The following PRRC2C variants were observed in gnomAD, a reference collection of about 807,000 sequenced individuals.
PRRC2C encodes the protein proline rich coiled-coil 2C, also known as protein PRRC2C.
A neutral mutation model predicts 317.2 loss-of-function variants in PRRC2C; 72 were observed. The ratio of observed to expected loss-of-function variants is 0.23; its 90% CI spans 0.19 to 0.28. PRRC2C has a LOEUF of 0.28. Ranked by LOEUF, PRRC2C falls within the 10% of genes least tolerant of loss-of-function variation. The probability of loss-of-function intolerance (pLI) is 1.00; values close to 1 mark genes in which losing one functional copy is unlikely to be tolerated. For synonymous variants in PRRC2C, 1,296 were observed against 1,205.9 expected, an observed-to-expected ratio of 1.07 and a Z score of -1.55; for missense variants, 3,074 against 3,459.7, an observed-to-expected ratio of 0.89 and a Z score of 2.80.
intron 16 of PRRC2C, among the ~76,000 whole-genome samples, chr1:171,543,373 A>G (rs1042140104): frequency 6.6e-6 from 1 of 151,154 alleles, no homozygotes; most frequent in East Asian, 2.0e-4. Flanking sequence ...TGATTTATTT[A>G]TTTAGTGTTA....
chr1:171,505,310 G>A (rs1281704205), intron 1 of PRRC2C, among the ~76,000 whole-genome samples: 2 of 152,214 alleles, frequency 1.3e-5, no homozygotes, highest in African/African-American at 4.8e-5. Context: ...TTACAGGCAT[G>A]AGCCACCGTG....
At chr1:171,552,718 A>C (rs1260752893) in intron 18 of PRRC2C, among the ~76,000 whole-genome samples, 1 of 152,142 alleles carries the variant, frequency 6.6e-6, no homozygotes, top group African/African-American at 2.4e-5. Context: ...CTATTGAGAT[A>C]ATCATGTGGT....
At chr1:171,585,026 C>T (rs1307088232) in intron 30 of PRRC2C, among the ~76,000 whole-genome samples, 1 of 152,190 alleles carries the variant, frequency 6.6e-6, no homozygotes, top group African/African-American at 2.4e-5. Flanking sequence ...ATCTGCCTGC[C>T]TCGGCCTTCC....
At chr1:171,534,924 A>T (rs1209004415) in intron 12 of PRRC2C, among the ~76,000 whole-genome samples, 1 of 152,224 alleles carries the variant, frequency 6.6e-6, no homozygotes, top group Non-Finnish European at 1.5e-5. Flanking sequence ...ATGTTTGAAG[A>T]TAACTAGTGA....
intron 18 of PRRC2C, among the ~76,000 whole-genome samples, chr1:171,554,892 A>G (rs1226781428): frequency 6.6e-6 from 1 of 152,144 alleles, no homozygotes; most frequent in Non-Finnish European, 1.5e-5. Flanking sequence ...GCTGCGCTTA[A>G]TATTTTTTCC....
intron 24 of PRRC2C, among the ~76,000 whole-genome samples, chr1:171,573,470 CA>C (rs1685126847): frequency 6.6e-6 from 1 of 151,980 alleles, no homozygotes; most frequent in South Asian, 2.1e-4. Flanking sequence ...TAAATTCCCC[CA>C]AGACTTCTAT....
At position 171,591,643 on chromosome 1, in the gene PRRC2C, A is replaced by G. The variant is rs1651466500; in HGVS notation, c.8493A>G (p.Gln2831=). Residue 2831 remains glutamine, a synonymous_variant, in exon 35 of 35, where the codon CAA becomes CAG. Coordinates refer to ENST00000647382, the MANE Select transcript of PRRC2C (RefSeq NM_001387844.1). The stretch of plus-strand genomic sequence containing the variant: ...CGCAACGGTTCTTCTCTGAACAGCA[A>G]CAGAGCAAACAGATAGGAGGAGGCA... ...QSTQRFFSEQ[Q]QSKQIGGGKA... 3 of 1,613,956 alleles carry G rather than the reference A, an allele frequency of 1.9e-6. No individual in the cohort carries two copies. Among genetic ancestry groups the G allele is most frequent in the East Asian group, 2.2e-5 (1 of 44,878 alleles).
chr1:171,549,720 C>G (rs972974896), intron 17 of PRRC2C, among the ~76,000 whole-genome samples: 5 of 151,996 alleles, frequency 3.3e-5, no homozygotes, highest in Non-Finnish European at 7.4e-5. Flanking sequence ...TACCACCACA[C>G]ACATCTAATT....
intron 28 of PRRC2C, among the ~76,000 whole-genome samples, chr1:171,581,483 T>C (rs950783499): frequency 6.6e-6 from 1 of 152,206 alleles, no homozygotes; most frequent in African/African-American, 2.4e-5. Flanking sequence ...TCTTGGAAGA[T>C]ATACTTTTTA....
At chr1:171,582,741 T>C (rs1342590757) in intron 28 of PRRC2C, among the ~76,000 whole-genome samples, 3 of 151,798 alleles carry the variant, frequency 2.0e-5, no homozygotes, top group Non-Finnish European at 2.9e-5. Context: ...GCACTTACCA[T>C]GAATGGAGCT....
intron 16 of PRRC2C, among the ~76,000 whole-genome samples, chr1:171,545,075 C>T (rs1678812053): frequency 6.6e-6 from 1 of 152,056 alleles, no homozygotes; most frequent in African/African-American, 2.4e-5. Flanking sequence ...ATATAGAATG[C>T]TTTTTAAAAA....
intron 18 of PRRC2C, among the ~76,000 whole-genome samples, 169 bp downstream of exon 18, chr1:171,550,409 T>C (rs976966235): frequency 2.0e-5 from 3 of 152,094 alleles, no homozygotes; most frequent in Non-Finnish European, 4.4e-5. Context: ...CAAAGGAAAT[T>C]TTAAATAAAA....
chr1:171,500,664 T>C (rs889697856), intron 1 of PRRC2C, among the ~76,000 whole-genome samples: 1 of 152,204 alleles, frequency 6.6e-6, no homozygotes, highest in African/African-American at 2.4e-5. Flanking sequence ...AACGTCCTTT[T>C]GTTATCACTG....
At chr1:171,567,497 G>A (rs1683899562) in intron 22 of PRRC2C, among the ~76,000 whole-genome samples, 1 of 152,002 alleles carries the variant, frequency 6.6e-6, no homozygotes, top group Admixed American at 6.5e-5. Flanking sequence ...CTTTTTAATT[G>A]CCATACAGCT....
rs148544406 is a variant in PRRC2C at position 171,528,087 on chromosome 1, C to T, written c.1254+243C>T. ...AACTTTTTTTTTCTCTCTCACTGCC[C>T]GTATACTTTTTCTTCCTATTGTTTT... On this transcript the variant is annotated intron_variant, in intron 11 of 34. Coordinates refer to ENST00000647382, the MANE Select transcript of PRRC2C (RefSeq NM_001387844.1). 1.2e-3 allele frequency among the ~76,000 whole-genome samples: 184 copies of T among 152,008 alleles called. 1 individual carries two copies. The highest frequency in any genetic ancestry group is 4.1e-3 in the African/African-American group (172 of 41,472).
At chr1:171,555,424 A>C (rs752679909) in intron 18 of PRRC2C, among the ~76,000 whole-genome samples, 51 of 152,204 alleles carry the variant, frequency 3.4e-4, no homozygotes, top group Non-Finnish European at 4.4e-4. Flanking sequence ...CCTTTAGCTC[A>C]GAGAAGTTTG....
At chr1:171,513,335 C>G in intron 3 of PRRC2C, 163 bp downstream of exon 3, 1 of 842,874 alleles carries the variant, frequency 1.2e-6, no homozygotes, top group Non-Finnish European at 1.9e-6. Context: ...GTTAATTTTC[C>G]CTATTAAAAG....
chr1:171,527,819 C>T lies in PRRC2C; in HGVS notation c.1229C>T (p.Pro410Leu), dbSNP rs1454218240. ...CGTGGAACATCTTCACATCTGCCAC[C>T]ACCTCCAAAGTTGCTTGCACAGCAG... ...QERGTSSHLP[P>L]PPKLLAQQHP... is the part of the protein sequence containing the mutation. The change falls in exon 11 of 35, where the codon CCA becomes CTA. Residue 410 changes from proline (P) to leucine (L), a missense_variant. Transcript: ENST00000647382. The T allele has an allele frequency of 1.3e-6, 2 of 1,583,534 alleles. No homozygotes were observed. Among genetic ancestry groups the T allele is most frequent in the Admixed American group, 1.8e-5 (1 of 56,566 alleles).
chr1:171,592,082 G>A lies in PRRC2C; in HGVS notation c.*235G>A. 2.3e-6 allele frequency: 1 copy of A among 435,464 alleles called. No homozygotes were observed. Among genetic ancestry groups the A allele is most frequent in the Non-Finnish European group, 4.0e-6 (1 of 249,518 alleles). 27.0% of individuals were successfully genotyped at this position (435,464 alleles called of 1,614,324 possible). A position where few individuals can be genotyped will look rare whatever the true frequency, so the allele number is the denominator to read the frequency against. ...TAACATGTGCTTGGTTGATGGCCAT[G>A]CATCTTCAGTCAGAATTTATATATA... On this transcript the variant is annotated 3_prime_UTR_variant, in exon 35 of 35. Transcript: ENST00000647382.
Sources: allele counts gnomAD v4.1 joint callset (sites outside exome capture counted in the v4.1 genomes callset), GRCh38; gene constraint gnomAD v4.1.1; transcripts MANE v1.5; gene names NCBI Gene and HGNC (gene_info 2026-07-23, HGNC 2026-07-21).